MTR: variants seen among roughly 807,000 people sequenced by gnomAD.
MTR encodes methionine synthase.
Under a neutral mutation model 154.8 loss-of-function variants are expected in MTR, and 84 were observed. The observed-to-expected ratio is 0.54, with a 90% CI of 0.45 to 0.65. The LOEUF (loss-of-function observed/expected upper bound fraction) is 0.65. MTR is among the 30% of genes least tolerant of loss of function. The pLI, the probability that MTR is intolerant of heterozygous loss-of-function variation, is 0.00. For synonymous variants in MTR, 554 were observed against 553.9 expected (o/e 1.00, Z 0.00); for missense variants, 1,275 against 1,570.2 (o/e 0.81, Z 3.18).
At chr1:236,816,718 T>C (rs534196828) in intron 8 of MTR, among the ~76,000 whole-genome samples, 175 bp downstream of exon 8, 14 of 152,222 alleles carry the variant, frequency 9.2e-5, no homozygotes, top group African/African-American at 3.4e-4. Flanking sequence ...AGAAGATCGC[T>C]GCCTAAACGG....
chr1:236,853,740 G>T (rs547790948), intron 18 of MTR, among the ~76,000 whole-genome samples: 1 of 152,254 alleles, frequency 6.6e-6, no homozygotes, highest in Non-Finnish European at 1.5e-5. Context: ...GTTTATGTTA[G>T]GATCTGGTCC....
chr1:236,800,390 G>T (rs1420634372), intron 1 of MTR: 13 of 985,234 alleles, frequency 1.3e-5, no homozygotes, highest in Non-Finnish European at 1.4e-5. Context: ...TTATGATTCA[G>T]TCACCCACTT....
chr1:236,803,604 A>G lies in MTR; in HGVS notation c.211A>G (p.Ser71Gly), dbSNP rs1558271003. The G allele has an allele frequency of 2.5e-6, 4 of 1,614,208 alleles. No individual in the cohort carries two copies. Among genetic ancestry groups the G allele is most frequent in the Non-Finnish European group, 3.4e-6 (4 of 1,180,022 alleles). ...RPLKGNNDILSITQPDVIYQI... is the reference protein window; with the variant it reads ...RPLKGNNDILGITQPDVIYQI... ...GCTGAAAGGCAACAATGACATTTTA[A>G]GTATAACTCAGCCTGATGTCATTTA... is the stretch of plus-strand genomic sequence containing the variant. The change falls in exon 2 of 33, where the codon AGT becomes GGT. Residue 71 changes from serine to glycine, a missense_variant. Coordinates refer to ENST00000366577, the MANE Select transcript of MTR (RefSeq NM_000254.3).
intron 15 of MTR, among the ~76,000 whole-genome samples, chr1:236,841,686 T>C (rs1663246751): frequency 2.0e-5 from 3 of 151,856 alleles, no homozygotes; most frequent in Non-Finnish European, 4.4e-5. Flanking sequence ...GTGCATTCTC[T>C]GATAGCTTCT....
intron 5 of MTR, among the ~76,000 whole-genome samples, chr1:236,810,864 T>C (rs1661263554): frequency 6.6e-6 from 1 of 152,164 alleles, no homozygotes; most frequent in African/African-American, 2.4e-5. Context: ...TAAAACCAAC[T>C]AAAATAAAGC....
In MTR at chr1:236,852,280, C is replaced by T. The variant is rs74863232; in HGVS notation, c.1696-241C>T. ...GCGTGTGTGTGTGTGTGTGTGTACGCGCGTGTTCTCCTTAGGGAGATTGGA... is the reference window on the plus strand; with the variant it reads ...GCGTGTGTGTGTGTGTGTGTGTACGTGCGTGTTCTCCTTAGGGAGATTGGA... On this transcript the variant is annotated intron_variant, in intron 16 of 32. Transcript: ENST00000366577. Among the ~76,000 whole-genome samples, 381 of 151,860 alleles carry T rather than the reference C, an allele frequency of 2.5e-3. 1 individual carries two copies. The highest frequency in any genetic ancestry group is 8.8e-3 in the African/African-American group (363 of 41,414).
intron 14 of MTR, among the ~76,000 whole-genome samples, chr1:236,836,616 G>T (rs989391132): frequency 6.6e-6 from 1 of 152,084 alleles, no homozygotes; most frequent in African/African-American, 2.4e-5. Flanking sequence ...TGAGCTCTTG[G>T]TTTTTTTATT....
At position 236,822,312 on chromosome 1, in the gene MTR, G is replaced by GTTTTTTTTTTTTTT. The variant is rs199660325; in HGVS notation, c.765-1805_765-1792dup. Reference sequence around the variant, plus strand: ...TAAATGGTTTTGTGGGGTTTTTTTTGTTTTTTTTTTTTTTTGAGACAGCAT... The same window carrying GTTTTTTTTTTTTTT: ...TAAATGGTTTTGTGGGGTTTTTTTTGTTTTTTTTTTTTTTTTTTTTTTTTTTTTTGAGACAGCAT... On this transcript the variant is annotated intron_variant, in intron 8 of 32. Coordinates refer to ENST00000366577, the MANE Select transcript of MTR (RefSeq NM_000254.3). 4.8e-5 allele frequency among the ~76,000 whole-genome samples: 6 copies of GTTTTTTTTTTTTTT among 124,938 alleles called. 1 individual carries two copies. The highest frequency in any genetic ancestry group is 4.9e-5 in the Non-Finnish European group (3 of 61,142). The allele number at this position is 124,938 out of a possible 152,430, so 82.0% of individuals were successfully genotyped here. A position where few individuals can be genotyped will look rare whatever the true frequency, so the allele number is the denominator to read the frequency against.
chr1:236,808,867 C>A, intron 4 of MTR, 94 bp downstream of exon 4: 1 of 1,159,502 alleles, frequency 8.6e-7, no homozygotes, highest in Non-Finnish European at 1.3e-6. Flanking sequence ...CCTTATGTGG[C>A]CTTTGGCTTA....
intron 25 of MTR, among the ~76,000 whole-genome samples, chr1:236,883,912 A>G (rs1028330393): frequency 2.6e-5 from 4 of 152,172 alleles, no homozygotes; most frequent in African/African-American, 4.8e-5. Context: ...TGTGTATTAG[A>G]TAATCCTGCT....
chr1:236,853,133 A>G lies in MTR; in HGVS notation c.1953+45A>G. 5 of 1,597,116 alleles carry G rather than the reference A, an allele frequency of 3.1e-6. No homozygotes were observed. The South Asian group carries it at 4.4e-5, about 14-fold the overall frequency. ...AATAGATGGATTTTTCCTATCTTTG[A>G]ATGTATTACTCACCTACAGTTAGTA... is the stretch of plus-strand genomic sequence containing the variant. On this transcript the variant is annotated intron_variant, in intron 18 of 32. Transcript: ENST00000366577.
Position 236,838,561 on chromosome 1 carries a change from G to C in MTR, c.1477G>C (p.Ala493Pro). The stretch of plus-strand genomic sequence containing the variant: ...GGCCAGGAAGATTAAAAAGTATGGA[G>C]CTGCTATGGTGGTCATGGCTTTTGA... The part of the protein sequence containing the change: ...EKARKIKKYG[A>P]AMVVMAFDEE... The change falls in exon 15 of 33, where the codon GCT becomes CCT. Residue 493 changes from alanine (A) to proline (P), a missense_variant. By Grantham distance (27) the Ala-to-Pro change is conservative (BLOSUM62 -1). Transcript: ENST00000366577. 1.2e-6 allele frequency: 2 copies of C among 1,614,142 alleles called. No individual in the cohort carries two copies. The highest frequency in any genetic ancestry group is 1.7e-6 in the Non-Finnish European group (2 of 1,179,994).
chr1:236,803,374 A>G lies in MTR; in HGVS notation c.35-54A>G, dbSNP rs183355502. ...TAAATTTCTCTAAAGCTCCTCCCTC[A>G]CACATCTTTTTCACCTTTCATTCTT... On this transcript the variant is annotated intron_variant, in intron 1 of 32. Coordinates refer to ENST00000366577, the MANE Select transcript of MTR (RefSeq NM_000254.3). 1.3e-5 allele frequency: 20 copies of G among 1,539,690 alleles called. No homozygotes were observed. In the Admixed American group the frequency reaches 3.4e-4, roughly 26 times the overall value.
intron 6 of MTR, 93 bp from the exon 7 acceptor site, chr1:236,815,511 G>C: frequency 8.3e-7 from 1 of 1,206,946 alleles, no homozygotes; most frequent in Non-Finnish European, 1.2e-6. Flanking sequence ...TATCTGAAGA[G>C]GTCTTAGAAA....
chr1:236,820,580 A>C, intron 8 of MTR: 1 of 507,916 alleles, frequency 2.0e-6, no homozygotes. Flanking sequence ...AATAAGCGTC[A>C]GTTTCTTAAA....
At chr1:236,862,866 A>C (rs1664624337) in intron 21 of MTR, among the ~76,000 whole-genome samples, 1 of 152,244 alleles carries the variant, frequency 6.6e-6, no homozygotes, top group Non-Finnish European at 1.5e-5. Flanking sequence ...AAGCTCAGAC[A>C]GCTTTGGCCC....
intron 25 of MTR, among the ~76,000 whole-genome samples, chr1:236,883,111 C>T (rs941728528): frequency 6.6e-6 from 1 of 152,162 alleles, no homozygotes; most frequent in African/African-American, 2.4e-5. Flanking sequence ...AAACGAGGTG[C>T]CAATATTTTA....
rs182381283 is a variant in MTR at position 236,840,437 on chromosome 1, A to G, written c.1515+1838A>G. Reference sequence around the variant, plus strand: ...ATTCAGGCCTAGGAGATCTGGTTTCATTCATCAGGGCCTGTGCTAAATGGT... The same window carrying G: ...ATTCAGGCCTAGGAGATCTGGTTTCGTTCATCAGGGCCTGTGCTAAATGGT... On this transcript the variant is annotated intron_variant, in intron 15 of 32. Transcript: ENST00000366577. Among the ~76,000 whole-genome samples, 111 of 152,280 alleles carry G rather than the reference A, an allele frequency of 7.3e-4. 2 individuals are homozygous for G. Among genetic ancestry groups the G allele is most frequent in the African/African-American group, 2.6e-3 (109 of 41,560 alleles).
rs115633863 is a variant in MTR at position 236,844,073 on chromosome 1, G to A, written c.1515+5474G>A. On this transcript the variant is annotated intron_variant, in intron 15 of 32. Transcript: ENST00000366577. Reference sequence around the variant, plus strand: ...GAGTCTTAGAGCCACAGTGCTTAGGGCACTGGGGAGAAGAGGAAACACCAT... The same window carrying A: ...GAGTCTTAGAGCCACAGTGCTTAGGACACTGGGGAGAAGAGGAAACACCAT... Among the ~76,000 whole-genome samples the A allele has an allele frequency of 6.3e-3, 966 of 152,272 alleles. 15 individuals are homozygous for A. Among genetic ancestry groups the A allele is most frequent in the African/African-American group, 0.022 (913 of 41,536 alleles).
Sources: allele counts gnomAD v4.1 joint callset (sites outside exome capture counted in the v4.1 genomes callset), GRCh38; gene constraint gnomAD v4.1.1; transcripts MANE v1.5; gene names NCBI Gene and HGNC (gene_info 2026-07-23, HGNC 2026-07-21).